FRMD4A: variants seen among roughly 807,000 people sequenced by gnomAD.
FRMD4A encodes the protein FERM domain-containing protein 4A.
Under a neutral mutation model 129.1 loss-of-function variants are expected in FRMD4A, and 29 were observed. The observed-to-expected ratio is 0.22, with a 90% CI of 0.17 to 0.31. FRMD4A has a LOEUF of 0.31. FRMD4A is among the 10% of genes least tolerant of loss of function. The pLI is 1.00. For missense variants in FRMD4A, 1,272 were observed against 1,375.8 expected, an observed-to-expected ratio of 0.92 and a Z score of 1.19; for synonymous variants, 634 against 571.6, an observed-to-expected ratio of 1.11 and a Z score of -1.56.
intron 3 of FRMD4A, among the ~76,000 whole-genome samples, chr10:13,856,260 G>A (rs1202722394): frequency 7.9e-6 from 1 of 126,828 alleles, no homozygotes; most frequent in East Asian, 2.4e-4. Context: ...GTGTGTGTGT[G>A]TTAAGCTAAA....
chr10:14,021,442 A>G (rs1448614395), intron 2 of FRMD4A, among the ~76,000 whole-genome samples: 3 of 151,996 alleles, frequency 2.0e-5, no homozygotes. Context: ...CTGTAGTCCC[A>G]CCTACTTGGG....
At chr10:13,653,162 C>A (rs2134523342) in intron 23 of FRMD4A, 1 of 152,334 alleles carries the variant, frequency 6.6e-6, no homozygotes, top group East Asian at 1.9e-4. Flanking sequence ...AGTGTTAGGA[C>A]CCTTTCTTGC....
At chr10:13,929,351 G>A (rs922209658) in intron 2 of FRMD4A, among the ~76,000 whole-genome samples, 2 of 152,222 alleles carry the variant, frequency 1.3e-5, no homozygotes, top group African/African-American at 4.8e-5. Flanking sequence ...TGGAGGTACA[G>A]CGTGCTACCT....
intron 3 of FRMD4A, among the ~76,000 whole-genome samples, chr10:13,820,267 C>T (rs527701196): frequency 7.2e-5 from 11 of 152,286 alleles, no homozygotes; most frequent in South Asian, 4.1e-4. Context: ...ATGGAAACCC[C>T]GAAGACCTCG....
At chr10:14,063,527 A>C (rs1453472029) in intron 2 of FRMD4A, among the ~76,000 whole-genome samples, 1 of 150,394 alleles carries the variant, frequency 6.6e-6, no homozygotes, top group Non-Finnish European at 1.5e-5. Context: ...TGTGATAAAA[A>C]CCTGAGTTCT....
chr10:14,219,500 C>T (rs908196489), intron 2 of FRMD4A, among the ~76,000 whole-genome samples: 10 of 152,164 alleles, frequency 6.6e-5, no homozygotes, highest in Non-Finnish European at 1.5e-4. Context: ...GGGACCCGTG[C>T]TTGGAGATGG....
chr10:13,726,582 C>T (rs1359124172), intron 12 of FRMD4A, among the ~76,000 whole-genome samples: 1 of 152,172 alleles, frequency 6.6e-6, no homozygotes, highest in Non-Finnish European at 1.5e-5. Flanking sequence ...ATTGCGGAGT[C>T]CCATCCTCAG....
intron 3 of FRMD4A, among the ~76,000 whole-genome samples, chr10:13,854,658 C>T (rs925847317): frequency 2.0e-5 from 3 of 151,512 alleles, no homozygotes; most frequent in African/African-American, 7.3e-5. Context: ...TCTCGAACTC[C>T]TGACCTCAAG....
At chr10:13,823,060 T>G (rs2093652397) in intron 3 of FRMD4A, among the ~76,000 whole-genome samples, 1 of 152,208 alleles carries the variant, frequency 6.6e-6, no homozygotes, top group Non-Finnish European at 1.5e-5. Context: ...TAAGATGCAG[T>G]CTGGTCCCTG....
At chr10:13,973,277 C>T (rs1044459339) in intron 2 of FRMD4A, among the ~76,000 whole-genome samples, 1 of 152,146 alleles carries the variant, frequency 6.6e-6, no homozygotes, top group Admixed American at 6.5e-5. Flanking sequence ...ATTTGTGGTT[C>T]TCTAAATTAT....
At chr10:13,700,980 A>G (rs573673352) in intron 14 of FRMD4A, among the ~76,000 whole-genome samples, 2 of 152,100 alleles carry the variant, frequency 1.3e-5, no homozygotes, top group African/African-American at 4.8e-5. Flanking sequence ...TCTTTTCAAA[A>G]GGAAGATAGT....
At chr10:14,127,419 A>T (rs903316096) in intron 2 of FRMD4A, among the ~76,000 whole-genome samples, 1 of 152,182 alleles carries the variant, frequency 6.6e-6, no homozygotes, top group African/African-American at 2.4e-5. Context: ...CCTGCGAGGT[A>T]GACAGGAGGC....
chr10:14,111,506 G>A (rs1837900144), intron 2 of FRMD4A, among the ~76,000 whole-genome samples: 1 of 152,146 alleles, frequency 6.6e-6, no homozygotes. Flanking sequence ...CCTCTACCCT[G>A]CAGGGATAGC....
rs115789274 is a variant in FRMD4A at position 13,748,599 on chromosome 10, T to C, written c.465-780A>G. On this transcript the variant is annotated intron_variant, in intron 8 of 24. Coordinates refer to ENST00000357447, the MANE Select transcript of FRMD4A (RefSeq NM_018027.5). The stretch of plus-strand genomic sequence containing the variant: ...GATTAGGGAGACTCAACCTGTAACT[T>C]TTGCTTTTGAGGAGGCTCAGAAACT... 8.0e-3 allele frequency among the ~76,000 whole-genome samples: 1,213 copies of C among 152,206 alleles called. 22 individuals are homozygous for C. Among genetic ancestry groups the C allele is most frequent in the African/African-American group, 0.027 (1,140 of 41,520 alleles).
intron 16 of FRMD4A, among the ~76,000 whole-genome samples, chr10:13,670,861 C>T (rs2083455027): frequency 6.6e-6 from 1 of 152,172 alleles, no homozygotes; most frequent in Admixed American, 6.5e-5. Context: ...TCCTGCCTGC[C>T]TCCTCTGTGC....
rs141726302 is a variant in FRMD4A, at chr10:14,201,492, G to A, written c.45+128566C>T. ...ACTTGGGGGGAAATAATACAGACTC[G>A]CTTTTCACAAAAACACAGCTGTGTC... On this transcript the variant is annotated intron_variant, in intron 2 of 24. Coordinates refer to ENST00000357447, the MANE Select transcript of FRMD4A (RefSeq NM_018027.5). Among the ~76,000 whole-genome samples, 306 of 152,248 alleles carry A rather than the reference G, an allele frequency of 2.0e-3. 1 individual carries two copies. Among genetic ancestry groups the A allele is most frequent in the African/African-American group, 7.0e-3 (292 of 41,552 alleles).
At chr10:14,148,329 C>T (rs1009939345) in intron 2 of FRMD4A, among the ~76,000 whole-genome samples, 1 of 152,182 alleles carries the variant, frequency 6.6e-6, no homozygotes, top group East Asian at 1.9e-4. Flanking sequence ...ACTATCATTG[C>T]ATCTTTCAAC....
rs111559821 is a variant in FRMD4A at position 14,216,637 on chromosome 10, C to T, written c.45+113421G>A. On this transcript the variant is annotated intron_variant, in intron 2 of 24. Coordinates refer to ENST00000357447, the MANE Select transcript of FRMD4A (RefSeq NM_018027.5). ...AGAGGATGCAAATTGCCAGTCTTGT[C>T]GCAGCCACCCGTTCGCCAGCAAGTC... Among the ~76,000 whole-genome samples the T allele has an allele frequency of 3.1e-3, 472 of 152,202 alleles. 5 individuals are homozygous for T. Among genetic ancestry groups the T allele is most frequent in the African/African-American group, 0.011 (440 of 41,536 alleles).
intron 2 of FRMD4A, among the ~76,000 whole-genome samples, chr10:13,982,223 C>G (rs2095564217): frequency 6.6e-6 from 1 of 152,074 alleles, no homozygotes. Context: ...GTGGCTCATG[C>G]CTGTAATCCC....
Sources: allele counts gnomAD v4.1 joint callset (sites outside exome capture counted in the v4.1 genomes callset), GRCh38; gene constraint gnomAD v4.1.1; transcripts MANE v1.5; gene names NCBI Gene and HGNC (gene_info 2026-07-23, HGNC 2026-07-21).